Variants in CPT1A observed in about 807,000 individuals in gnomAD.
The protein encoded by CPT1A is carnitine O-palmitoyltransferase 1, liver isoform.
In CPT1A, 64 loss-of-function variants were observed where a neutral mutation model predicts 100.8. That is an observed-to-expected ratio of 0.63 (90% CI 0.52 to 0.78). The LOEUF (loss-of-function observed/expected upper bound fraction) is 0.78. CPT1A is among the 30% of genes least tolerant of loss of function. The pLI is 0.00. For synonymous variants in CPT1A, 363 were observed against 396.0 expected (o/e 0.92, Z 0.99); for missense variants, 802 against 1,034.1 (o/e 0.78, Z 3.08).
rs532214921 is a variant in CPT1A, at chr11:68,781,641, C to A, written c.1352+130G>T. The A allele has an allele frequency of 2.6e-5, 23 of 892,762 alleles. No homozygotes were observed. In the African/African-American group the frequency reaches 3.5e-4, roughly 13 times the overall value. 55.3% of individuals were successfully genotyped at this position (892,762 alleles called of 1,614,324 possible). ...TTTCAAAAAATAAAATAAAATAAAA[C>A]TGAAGGTTATATTTTTATGCCACCT... On this transcript the variant is annotated intron_variant, in intron 11 of 18. Transcript: ENST00000265641.
intron 14 of CPT1A, among the ~76,000 whole-genome samples, chr11:68,764,117 C>A (rs1342019835): frequency 6.6e-6 from 1 of 152,144 alleles, no homozygotes; most frequent in Non-Finnish European, 1.5e-5. Context: ...AGCAAGGGCC[C>A]CTGCTGGGAA....
rs747835344 is a variant in CPT1A at position 68,762,689 on chromosome 11, C to T, written c.1813G>A (p.Val605Met). The change falls in exon 15 of 19, where the codon GTG (valine) becomes ATG (methionine). Residue 605 changes from valine (V) to methionine (M), a missense_variant. This residue lies in a region of CPT1A where 627 missense variants were observed against 799.3 expected (regional missense o/e 0.78). Coordinates refer to ENST00000265641, the MANE Select transcript of CPT1A (RefSeq NM_001876.4). ...CATGACTCAGTGGTGCAGGAGCGCACGGTCTCCGTCCTCCCCTCTCGGAAG... is the reference window on the plus strand; with the variant it reads ...CATGACTCAGTGGTGCAGGAGCGCATGGTCTCCGTCCTCCCCTCTCGGAAG... ...RLFREGRTET[V>M]RSCTTESCDF... 2.4e-5 allele frequency: 39 copies of T among 1,614,000 alleles called. No homozygotes were observed. The highest frequency in any genetic ancestry group is 2.3e-4 in the Admixed American group (14 of 60,020).
intron 1 of CPT1A, among the ~76,000 whole-genome samples, chr11:68,817,013 G>A (rs1459928351): frequency 4.4e-5 from 5 of 114,694 alleles, no homozygotes; most frequent in African/African-American, 1.7e-4. Flanking sequence ...TATGTGTGGG[G>A]GGTGGGTGTG....
At chr11:68,771,810 A>G (rs2153996598) in intron 14 of CPT1A, among the ~76,000 whole-genome samples, 1 of 152,348 alleles carries the variant, frequency 6.6e-6, no homozygotes, top group Middle Eastern at 3.4e-3. Flanking sequence ...ATCCCTGCCT[A>G]GTGCCACCCT....
chr11:68,839,858 TATC>T (rs1411782063), intron 1 of CPT1A, among the ~76,000 whole-genome samples: 2 of 152,274 alleles, frequency 1.3e-5, no homozygotes, highest in East Asian at 1.9e-4. Flanking sequence ...GCCGCAGCAG[TATC>T]GGAAGGGACC....
In CPT1A at chr11:68,796,879, C is replaced by A. The variant is rs775905916; in HGVS notation, c.748G>T (p.Val250Leu). The A allele has an allele frequency of 1.1e-5, 17 of 1,614,122 alleles. No homozygotes were observed. In the East Asian group the frequency reaches 3.8e-4, roughly 36 times the overall value. ...IYLRGRGPLM[V>L]NSNYYAMDLL... is the part of the protein sequence containing the mutation. ...ACCATGGCATAATAGTTGCTGTTCACCATGAGCGGCCCTCGTCCTCGGAGG... is the reference window on the plus strand; with the variant it reads ...ACCATGGCATAATAGTTGCTGTTCAACATGAGCGGCCCTCGTCCTCGGAGG... The change falls in exon 7 of 19, where the codon GTG becomes TTG. Residue 250 changes from valine (V) to leucine (L), a missense_variant. Physicochemically the swap from Val to Leu is conservative, Grantham distance 32 (BLOSUM62 1). Around this residue, in one of 4 missense-constraint regions of CPT1A, gnomAD observed 627 missense variants for 799.3 expected, o/e 0.78. Transcript: ENST00000265641.
At chr11:68,792,885 T>C (rs1029772992) in intron 9 of CPT1A, among the ~76,000 whole-genome samples, 1 of 151,942 alleles carries the variant, frequency 6.6e-6, no homozygotes, top group Non-Finnish European at 1.5e-5. Flanking sequence ...CTCATCTCTA[T>C]AAAAAATGCA....
chr11:68,784,741 G>C (rs1855406308), intron 10 of CPT1A, 74 bp downstream of exon 10: 3 of 1,430,962 alleles, frequency 2.1e-6, no homozygotes, highest in Non-Finnish European at 2.9e-6. Flanking sequence ...ACAGGCCCTG[G>C]TGGGGATGGG....
intron 14 of CPT1A, among the ~76,000 whole-genome samples, chr11:68,771,284 G>A (rs1301441495): frequency 6.6e-6 from 1 of 152,180 alleles, no homozygotes; most frequent in African/African-American, 2.4e-5. Context: ...TACTAAACTG[G>A]AGCGTGGCAT....
intron 7 of CPT1A, among the ~76,000 whole-genome samples, chr11:68,795,586 A>C (rs893487724): frequency 2.6e-5 from 4 of 152,202 alleles, no homozygotes; most frequent in African/African-American, 9.6e-5. Flanking sequence ...AGAGAAAAAG[A>C]AAGGACAATT....
intron 13 of CPT1A, chr11:68,774,034 G>A (rs1566349570): frequency 6.2e-6 from 1 of 160,114 alleles, no homozygotes; most frequent in African/African-American, 2.4e-5. Flanking sequence ...CCCACAACAA[G>A]GGAGGAATTG....
intron 3 of CPT1A, among the ~76,000 whole-genome samples, chr11:68,808,385 T>A (rs1308386556): frequency 6.6e-6 from 1 of 152,052 alleles, no homozygotes; most frequent in Non-Finnish European, 1.5e-5. Context: ...TTTTTTTTTT[T>A]TTCGAGACAA....
chr11:68,803,920 A>G (rs1855975803), intron 5 of CPT1A, 80 bp downstream of exon 5: 2 of 1,107,624 alleles, frequency 1.8e-6, no homozygotes, highest in South Asian at 1.2e-5. Context: ...AATGGCGGTG[A>G]CCTAGTTCAT....
At chr11:68,816,478 C>T (rs1221839917) in intron 1 of CPT1A, among the ~76,000 whole-genome samples, 2 of 152,278 alleles carry the variant, frequency 1.3e-5, no homozygotes, top group South Asian at 4.1e-4. Context: ...GAGAGCATCC[C>T]CTGGCCGGCT....
chr11:68,766,308 AG>A (rs1854798189), intron 14 of CPT1A, among the ~76,000 whole-genome samples: 1 of 151,974 alleles, frequency 6.6e-6, no homozygotes, highest in Admixed American at 6.5e-5. Context: ...GGCAGAAAAA[AG>A]GTTCAGAAGC....
intron 1 of CPT1A, among the ~76,000 whole-genome samples, chr11:68,838,571 T>TAAAAAAAAAAAAACAA (rs1177976460): frequency 1.3e-5 from 1 of 74,210 alleles, no homozygotes; most frequent in Non-Finnish European, 2.1e-5. Context: ...CTGCACCTTT[T>TAAAAAAAAAAAAACAA]TAAAAAAAAA....
intron 14 of CPT1A, among the ~76,000 whole-genome samples, chr11:68,769,202 C>A (rs758235503): frequency 9.9e-5 from 15 of 152,122 alleles, no homozygotes; most frequent in Non-Finnish European, 1.6e-4. Flanking sequence ...ATTTCCCAGG[C>A]CTGCTTTTGT....
intron 14 of CPT1A, among the ~76,000 whole-genome samples, chr11:68,767,534 A>C (rs942253621): frequency 1.3e-5 from 2 of 152,192 alleles, no homozygotes; most frequent in African/African-American, 4.8e-5. Context: ...AGGATGCAGT[A>C]AGCCGTGATT....
At chr11:68,794,364 T>C (rs1855699671) in intron 8 of CPT1A, among the ~76,000 whole-genome samples, 1 of 152,210 alleles carries the variant, frequency 6.6e-6, no homozygotes, top group African/African-American at 2.4e-5. Context: ...GTTTCTCAGA[T>C]GCATCAATAT....
Sources: gnomAD v4.1 joint callset for allele counts (sites outside exome capture counted in the v4.1 genomes callset) on GRCh38, gnomAD v4.1.1 for gene constraint, gnomAD v4.1.1 regional missense constraint, MANE v1.5 for transcripts, NCBI Gene and HGNC (gene_info 2026-07-23, HGNC 2026-07-21) for gene names.